The following COL4A4 variants were observed in gnomAD, a reference collection of about 807,000 sequenced individuals.
COL4A4 encodes collagen alpha-4(IV) chain.
In COL4A4, 105 loss-of-function variants were observed where a neutral mutation model predicts 192.9. That is an observed-to-expected ratio of 0.54 (90% CI 0.46 to 0.64). The LOEUF is 0.64. Ranked by LOEUF, COL4A4 falls within the 30% of genes least tolerant of loss-of-function variation. COL4A4 has a pLI of 0.00. For synonymous variants in COL4A4, 762 were observed against 769.9 expected (o/e 0.99, Z 0.17); for missense variants, 1,967 against 2,169.3 (o/e 0.91, Z 1.85).
intron 25 of COL4A4, among the ~76,000 whole-genome samples, chr2:227,071,971 A>G (rs2058748803): frequency 6.6e-6 from 1 of 152,088 alleles, no homozygotes; most frequent in Non-Finnish European, 1.5e-5. Context: ...TTGACAACCT[A>G]AAGTCACACC....
intron 4 of COL4A4, among the ~76,000 whole-genome samples, chr2:227,136,161 T>G (rs895468993): frequency 3.3e-5 from 5 of 152,186 alleles, no homozygotes; most frequent in Admixed American, 6.5e-5. Context: ...GCTTGCAATC[T>G]AATCAATAAA....
the COL4A4 span, among the ~76,000 whole-genome samples, chr2:226,974,462 C>T: frequency 4.6e-5 from 7 of 152,132 alleles, no homozygotes; most frequent in South Asian, 1.4e-3. Context: ...TGGTTTCGAT[C>T]TCCTGACCTC....
Position 227,100,954 on chromosome 2 carries a change from A to G in COL4A4, c.1029+550T>C, listed in dbSNP as rs554660800. Among the ~76,000 whole-genome samples the G allele has an allele frequency of 1.9e-3, 286 of 151,752 alleles. 1 individual carries two copies. Among genetic ancestry groups the G allele is most frequent in the African/African-American group, 5.2e-3 (214 of 41,366 alleles). ...CAAGTAGCTGGGACTACAGGCGCCCACCACCACGCCTGGCTAATTTTGTTT... is the reference window on the plus strand; with the variant it reads ...CAAGTAGCTGGGACTACAGGCGCCCGCCACCACGCCTGGCTAATTTTGTTT... On this transcript the variant is annotated intron_variant, in intron 17 of 47. Coordinates refer to ENST00000396625, the MANE Select transcript of COL4A4 (RefSeq NM_000092.5).
intron 1 of COL4A4, among the ~76,000 whole-genome samples, chr2:227,155,374 C>T (rs2064254739): frequency 6.6e-6 from 1 of 152,186 alleles, no homozygotes; most frequent in Non-Finnish European, 1.5e-5. Context: ...TGACAGCAAC[C>T]ATAATAATGT....
chr2:227,018,634 G>A (rs930150156), intron 44 of COL4A4, among the ~76,000 whole-genome samples: 8 of 152,174 alleles, frequency 5.3e-5, no homozygotes, highest in Non-Finnish European at 1.2e-4. Flanking sequence ...AACATAGGAA[G>A]AGAAGGCGAT....
chr2:227,052,150 C>T (rs1974256308), intron 32 of COL4A4, among the ~76,000 whole-genome samples, 155 bp downstream of exon 32: 1 of 151,716 alleles, frequency 6.6e-6, no homozygotes, highest in African/African-American at 2.4e-5. Context: ...GAGATGGTGC[C>T]ACTGCACTCC....
intron 1 of COL4A4, 114 bp downstream of exon 1, chr2:227,163,893 A>T (rs1260685849): frequency 6.6e-6 from 1 of 152,492 alleles, no homozygotes; most frequent in Non-Finnish European, 1.5e-5. Flanking sequence ...CCCGGGCCAC[A>T]ACTCCCCAGC....
intron 25 of COL4A4, among the ~76,000 whole-genome samples, chr2:227,074,811 AAAAACTGT>A (rs1373150659): frequency 6.6e-6 from 1 of 152,218 alleles, no homozygotes; most frequent in Non-Finnish European, 1.5e-5. Context: ...GTGGAAAACC[AAAAACTGT>A]ATGTTCTCAC....
At chr2:226,992,283 G>A in the COL4A4 span, among the ~76,000 whole-genome samples, 1 of 152,168 alleles carries the variant, frequency 6.6e-6, no homozygotes, top group Admixed American at 6.5e-5. Flanking sequence ...TAGGTTAGGG[G>A]CTGACATCAA....
chr2:226,979,077 G>A, the COL4A4 span, among the ~76,000 whole-genome samples: 3 of 152,120 alleles, frequency 2.0e-5, no homozygotes, highest in Admixed American at 1.3e-4. Context: ...GGGAAAGAAA[G>A]AAGCTATTCG....
At chr2:227,094,604 A>G (rs2060111043) in intron 19 of COL4A4, among the ~76,000 whole-genome samples, 1 of 152,184 alleles carries the variant, frequency 6.6e-6, no homozygotes, top group Admixed American at 6.5e-5. Context: ...TGCAAGATAA[A>G]TAAGTTCCAG....
At chr2:227,149,141 A>G (rs977943060) in intron 1 of COL4A4, among the ~76,000 whole-genome samples, 1 of 152,086 alleles carries the variant, frequency 6.6e-6, no homozygotes, top group Admixed American at 6.5e-5. Context: ...GAGCCACTGC[A>G]CCTGGCCATT....
At position 227,009,564 on chromosome 2, in the gene COL4A4, G is replaced by A. The variant is rs186087136; in HGVS notation, c.4522+749C>T. On this transcript the variant is annotated intron_variant, in intron 46 of 47. Coordinates refer to ENST00000396625, the MANE Select transcript of COL4A4 (RefSeq NM_000092.5). ...AATACAAAAATTATCCAGGCATGGT[G>A]GCACAAGTCTGTAGTCTCAGCTACT... is the stretch of plus-strand genomic sequence containing the variant. 2.7e-3 allele frequency among the ~76,000 whole-genome samples: 404 copies of A among 152,196 alleles called. 4 individuals are homozygous for A. The highest frequency in any genetic ancestry group is 9.2e-3 in the African/African-American group (384 of 41,528).
In COL4A4 at chr2:227,103,963, G is replaced by T; in HGVS notation, c.816+9C>A. 1 of 1,606,588 alleles carries T rather than the reference G, an allele frequency of 6.2e-7. No homozygotes were observed. Among genetic ancestry groups the T allele is most frequent in the Non-Finnish European group, 8.5e-7 (1 of 1,173,826 alleles). ...ACTTTCCAAGGTGACATATGGATTT[G>T]GGAATTACCTTTTCTCCTTTATAGA... On this transcript the variant is annotated intron_variant, in intron 13 of 47. Transcript: ENST00000396625.
At chr2:226,982,389 T>C in the COL4A4 span, among the ~76,000 whole-genome samples, 1 of 152,260 alleles carries the variant, frequency 6.6e-6, no homozygotes, top group East Asian at 1.9e-4. Context: ...GTTTTTGTAA[T>C]TATGCATTGA....
the COL4A4 span, chr2:226,988,430 G>A: frequency 1.7e-5 from 26 of 1,550,270 alleles, no homozygotes; most frequent in Non-Finnish European, 2.2e-5. Flanking sequence ...CCTGAAGCAG[G>A]CCGCAGTTTG....
At chr2:227,053,289 A>G (rs1003740344) in intron 31 of COL4A4, among the ~76,000 whole-genome samples, 1 of 152,186 alleles carries the variant, frequency 6.6e-6, no homozygotes, top group East Asian at 1.9e-4. Context: ...GGTAGAATCA[A>G]TCAACTAAGA....
At chr2:227,027,598 C>T (rs1039130267) in intron 42 of COL4A4, among the ~76,000 whole-genome samples, 1 of 150,186 alleles carries the variant, frequency 6.7e-6, no homozygotes, top group Non-Finnish European at 1.5e-5. Flanking sequence ...CAAACCTGCA[C>T]GTTGTGCACA....
chr2:226,987,513 T>C, the COL4A4 span, among the ~76,000 whole-genome samples: 1 of 152,194 alleles, frequency 6.6e-6, no homozygotes, highest in African/African-American at 2.4e-5. Flanking sequence ...AGCTGGCCAA[T>C]GAGGCAGGTT....
Sources: gnomAD v4.1 joint callset for allele counts (sites outside exome capture counted in the v4.1 genomes callset) on GRCh38, gnomAD v4.1.1 for gene constraint, MANE v1.5 for transcripts, NCBI Gene and HGNC (gene_info 2026-07-23, HGNC 2026-07-21) for gene names.